The following DYNC2LI1 variants were observed in gnomAD, a reference collection of about 807,000 sequenced individuals.
The protein encoded by DYNC2LI1 is cytoplasmic dynein 2 light intermediate chain 1.
In DYNC2LI1, 45 loss-of-function variants were observed where a neutral mutation model predicts 51.9. The observed-to-expected ratio is 0.87, with a 90% confidence interval of 0.68 to 1.11. DYNC2LI1 has a LOEUF of 1.11. Among genes scored for constraint, DYNC2LI1 ranks in the 50% most tolerant of loss-of-function variants. The pLI, the probability that DYNC2LI1 is intolerant of heterozygous loss-of-function variation, is 0.00. For synonymous variants in DYNC2LI1, 130 were observed against 137.8 expected (o/e 0.94, Z 0.40); for missense variants, 490 against 417.4 (o/e 1.17, Z -1.51).
the DYNC2LI1 span, among the ~76,000 whole-genome samples, chr2:43,820,523 A>C: frequency 6.6e-6 from 1 of 151,954 alleles, no homozygotes; most frequent in Non-Finnish European, 1.5e-5. Context: ...CCTGAACCTC[A>C]TCTCTGTTAT....
chr2:43,813,046 C>T (rs921926942), downstream of DYNC2LI1: 120 of 762,624 alleles, frequency 1.6e-4, no homozygotes, highest in Non-Finnish European at 1.7e-4. Flanking sequence ...ATGGCACTCT[C>T]ATTTCAGACG....
At chr2:43,792,846 GC>G in intron 5 of DYNC2LI1, 32 of 1,483,030 alleles carry the variant, frequency 2.2e-5, no homozygotes, top group Non-Finnish European at 2.9e-5. Flanking sequence ...CACTTCTAAG[GC>G]TAAATAATGT....
intron 3 of DYNC2LI1, among the ~76,000 whole-genome samples, chr2:43,786,598 G>C (rs1021214187): frequency 1.3e-5 from 2 of 152,058 alleles, no homozygotes; most frequent in African/African-American, 4.8e-5. Flanking sequence ...TCAGGAGATC[G>C]AGACCATCCT....
At position 43,794,459 on chromosome 2, in the gene DYNC2LI1, C is replaced by A; in HGVS notation, c.323C>A (p.Thr108Lys). The A allele has an allele frequency of 1.2e-6, 2 of 1,602,932 alleles. No homozygotes were observed. The highest frequency in any genetic ancestry group is 4.5e-5 in the East Asian group (2 of 44,738). The change falls in exon 6 of 13, where the codon ACG (threonine) becomes AAG (lysine). Residue 108 changes from threonine to lysine, a missense_variant and splice_region_variant. By Grantham distance (78) the Thr-to-Lys change is moderately conservative. Coordinates refer to ENST00000260605, the MANE Select transcript of DYNC2LI1 (RefSeq NM_016008.4). ...SIPITGDTLRTFSLVLVLDLS... is the reference protein window; with the variant it reads ...SIPITGDTLRKFSLVLVLDLS... Reference sequence around the variant, plus strand: ...GAAAAGTGTTTTTATTTCTTTAGGACGTTTTCTCTTGTTCTCGTTCTGGAT... The same window carrying A: ...GAAAAGTGTTTTTATTTCTTTAGGAAGTTTTCTCTTGTTCTCGTTCTGGAT...
Position 43,804,654 on chromosome 2 carries a change from T to C in DYNC2LI1, c.815T>C (p.Val272Ala). The C allele has an allele frequency of 6.2e-7, 1 of 1,604,182 alleles. No individual in the cohort carries two copies. Among genetic ancestry groups the C allele is most frequent in the Non-Finnish European group, 8.5e-7 (1 of 1,176,360 alleles). The change falls in exon 11 of 13, where the codon GTT (valine) becomes GCT (alanine). Residue 272 changes from valine to alanine, a missense_variant. Physicochemically the swap from Val to Ala is moderately conservative, Grantham distance 64 (BLOSUM62 0). Coordinates refer to ENST00000260605, the MANE Select transcript of DYNC2LI1 (RefSeq NM_016008.4). ...CTTGCTATTTTAGGATCTCCTCCTGTTCCTGAAAATGACATTGGAAAGCTT... is the reference window on the plus strand; with the variant it reads ...CTTGCTATTTTAGGATCTCCTCCTGCTCCTGAAAATGACATTGGAAAGCTT... ...DSFGQIGSPPVPENDIGKLHA... is the reference protein window; with the variant it reads ...DSFGQIGSPPAPENDIGKLHA...
intron 5 of DYNC2LI1, chr2:43,792,978 G>A: frequency 1.9e-6 from 1 of 513,912 alleles, no homozygotes; most frequent in Non-Finnish European, 3.1e-6. Context: ...TACATTATCT[G>A]TTTAAATCTC....
chr2:43,799,516 C>T lies in DYNC2LI1; in HGVS notation c.655-1325C>T, dbSNP rs572587879. On this transcript the variant is annotated intron_variant, in intron 8 of 12. Transcript: ENST00000260605. ...AATTCATTCTTTGCTATTCTAAGGT[C>T]CAGAAAAAGGAATCAATAGAGTTTA... 5.3e-5 allele frequency among the ~76,000 whole-genome samples: 8 copies of T among 152,164 alleles called. No individual in the cohort carries two copies. In the East Asian group the frequency reaches 1.5e-3, roughly 29 times the overall value.
intron 2 of DYNC2LI1, 83 bp from the exon 3 acceptor site, chr2:43,783,437 T>G: frequency 9.6e-7 from 1 of 1,044,844 alleles, no homozygotes; most frequent in Non-Finnish European, 1.4e-6. Context: ...TAAAAATCTA[T>G]TTTGGGCCAC....
chr2:43,804,906 A>T (rs971277866), intron 11 of DYNC2LI1, among the ~76,000 whole-genome samples, 167 bp downstream of exon 11: 1 of 152,072 alleles, frequency 6.6e-6, no homozygotes, highest in Non-Finnish European at 1.5e-5. Context: ...GTTAAAAAAA[A>T]AAAAAGGTAA....
chr2:43,794,632 A>G lies in DYNC2LI1; in HGVS notation c.496A>G (p.Lys166Glu). The G allele has an allele frequency of 6.2e-7, 1 of 1,614,116 alleles. No homozygotes were observed. The change falls in exon 6 of 13, where the codon AAG becomes GAG. Residue 166 changes from lysine (K) to glutamate (E), a missense_variant. By Grantham distance (56) the Lys-to-Glu change is moderately conservative (BLOSUM62 1). Transcript: ENST00000260605. ...MRQKIWNNMP[K>E]DHPDHELIDP... ...ACAGAAGATCTGGAATAATATGCCG[A>G]AGGATCATCCTGTGAGTTGCTGTTT... is the stretch of plus-strand genomic sequence containing the variant.
intron 3 of DYNC2LI1, among the ~76,000 whole-genome samples, chr2:43,784,076 T>C (rs1673409458): frequency 6.6e-6 from 1 of 152,228 alleles, no homozygotes; most frequent in Non-Finnish European, 1.5e-5. Flanking sequence ...TCAGTCATTT[T>C]TGGAAGATAT....
chr2:43,787,251 G>GT lies in DYNC2LI1; in HGVS notation c.231+2dup. 1 of 1,610,886 alleles carries GT rather than the reference G, an allele frequency of 6.2e-7. No individual in the cohort carries two copies. The highest frequency in any genetic ancestry group is 8.5e-7 in the Non-Finnish European group (1 of 1,177,876). On this transcript the variant is annotated splice_donor_variant, in intron 4 of 12. Coordinates refer to ENST00000260605, the MANE Select transcript of DYNC2LI1 (RefSeq NM_016008.4). LOFTEE classifies it high-confidence loss of function. The stretch of plus-strand genomic sequence containing the variant: ...AAGAAGAGCAAAAGGGCACAACACA[G>GT]TAAGTGTCTTTTAAAGTGACATTGC...
the DYNC2LI1 span, among the ~76,000 whole-genome samples, chr2:43,820,419 A>T: frequency 6.6e-6 from 1 of 152,206 alleles, no homozygotes; most frequent in Admixed American, 6.5e-5. Context: ...TGAACTCTAC[A>T]GGCATCTTCA....
intron 2 of DYNC2LI1, among the ~76,000 whole-genome samples, chr2:43,782,207 G>C (rs1043002156): frequency 6.6e-6 from 1 of 152,036 alleles, no homozygotes; most frequent in Non-Finnish European, 1.5e-5. Flanking sequence ...GGGACATGTA[G>C]GTTGTTTTTA....
chr2:43,825,841 T>C, the DYNC2LI1 span, among the ~76,000 whole-genome samples: 1 of 152,220 alleles, frequency 6.6e-6, no homozygotes, highest in Non-Finnish European at 1.5e-5. Context: ...ACACACCTCA[T>C]AGGAGTGTTG....
Position 43,794,661 on chromosome 2 carries a change from A to G in DYNC2LI1, c.507+18A>G, listed in dbSNP as rs779237011. The stretch of plus-strand genomic sequence containing the variant: ...ATCATCCTGTGAGTTGCTGTTTGGG[A>G]TTATTACTGGAATCCTTAGTCCCAT... On this transcript the variant is annotated intron_variant, in intron 6 of 12. Transcript: ENST00000260605. 1 of 1,614,070 alleles carries G rather than the reference A, an allele frequency of 6.2e-7. No individual in the cohort carries two copies. The highest frequency in any genetic ancestry group is 8.5e-7 in the Non-Finnish European group (1 of 1,179,978).
chr2:43,801,650 G>A lies in DYNC2LI1; in HGVS notation c.743G>A (p.Cys248Tyr). ...AFGIDKSKSI[C>Y]VDQNKPLFIT... The stretch of plus-strand genomic sequence containing the variant: ...TCTTCTCCACGTAGCAAATCAATAT[G>A]TGTGGATCAGAATAAACCGCTGTTT... Residue 248 changes from cysteine (C) to tyrosine (Y), a missense_variant, in exon 10 of 13, where the codon TGT becomes TAT. Transcript: ENST00000260605. 6.2e-7 allele frequency: 1 copy of A among 1,609,722 alleles called. No individual in the cohort carries two copies. The highest frequency in any genetic ancestry group is 8.5e-7 in the Non-Finnish European group (1 of 1,177,666).
intron 1 of DYNC2LI1, chr2:43,775,635 C>A: frequency 6.0e-6 from 2 of 335,966 alleles, no homozygotes; most frequent in Non-Finnish European, 1.1e-5. Flanking sequence ...GTAGCTGGGA[C>A]CACGAGTGCA....
chr2:43,825,920 A>T, the DYNC2LI1 span, among the ~76,000 whole-genome samples: 3 of 152,124 alleles, frequency 2.0e-5, no homozygotes, highest in Admixed American at 1.3e-4. Flanking sequence ...GTGAGTTTTC[A>T]TCCTTTGCTC....
Sources: gnomAD v4.1 joint callset for allele counts (sites outside exome capture counted in the v4.1 genomes callset) on GRCh38, gnomAD v4.1.1 for gene constraint, MANE v1.5 for transcripts, NCBI Gene and HGNC (gene_info 2026-07-23, HGNC 2026-07-21) for gene names.